ANKRD44: variants seen among roughly 807,000 people sequenced by gnomAD.
ANKRD44 encodes ankyrin repeat domain 44.
Under a neutral mutation model 116.0 loss-of-function variants are expected in ANKRD44, and 35 were observed. The observed-to-expected ratio is 0.30, with a 90% CI of 0.23 to 0.40. The LOEUF is 0.40. Ranked by LOEUF, ANKRD44 falls within the 10% of genes least tolerant of loss-of-function variation. ANKRD44 has a pLI of 1.00. For synonymous variants in ANKRD44, 435 were observed against 461.8 expected, an observed-to-expected ratio of 0.94 and a Z score of 0.74; for missense variants, 1,014 against 1,242.6, an observed-to-expected ratio of 0.82 and a Z score of 2.77.
intron 4 of ANKRD44, among the ~76,000 whole-genome samples, chr2:197,128,825 C>T (rs2079034528): frequency 6.6e-6 from 1 of 152,070 alleles, no homozygotes; most frequent in African/African-American, 2.4e-5. Flanking sequence ...CAGTGTTTTT[C>T]AAACTGTCTG....
At chr2:197,046,920 C>T (rs1247911765) in intron 16 of ANKRD44, among the ~76,000 whole-genome samples, 1 of 152,122 alleles carries the variant, frequency 6.6e-6, no homozygotes, top group Non-Finnish European at 1.5e-5. Context: ...AAAAAGTTAG[C>T]CTTAAAAAGC....
At chr2:197,094,491 T>C (rs1415206471) in intron 10 of ANKRD44, among the ~76,000 whole-genome samples, 1 of 152,230 alleles carries the variant, frequency 6.6e-6, no homozygotes, top group African/African-American at 2.4e-5. Context: ...ACATGAGTTT[T>C]GAAGTTGTAA....
rs867149387 is a variant in ANKRD44 at position 197,295,911 on chromosome 2, G to A, written c.27+14667C>T. Among the ~76,000 whole-genome samples the A allele has an allele frequency of 2.6e-5, 4 of 152,124 alleles. No individual in the cohort carries two copies. The South Asian group carries it at 8.3e-4, about 32-fold the overall frequency. ...CCTGTCCCTACAAAAAGTGAGCCAG[G>A]TGGCATGGAGGTACATGCCTGTAGT... On this transcript the variant is annotated intron_variant, in intron 1 of 27. Transcript: ENST00000282272.
intron 1 of ANKRD44, among the ~76,000 whole-genome samples, chr2:197,307,621 AAG>A (rs1411243600): frequency 6.6e-6 from 1 of 152,124 alleles, no homozygotes; most frequent in Non-Finnish European, 1.5e-5. Context: ...CTGAAAAAAA[AAG>A]AGTTAGGAAA....
At chr2:197,295,258 C>T (rs1308494936) in intron 1 of ANKRD44, among the ~76,000 whole-genome samples, 1 of 152,196 alleles carries the variant, frequency 6.6e-6, no homozygotes, top group Non-Finnish European at 1.5e-5. Context: ...GGCCCCAAGT[C>T]TGCCCTTGAG....
At chr2:197,040,539 G>C (rs1404840639) in intron 16 of ANKRD44, among the ~76,000 whole-genome samples, 1 of 151,664 alleles carries the variant, frequency 6.6e-6, no homozygotes, top group East Asian at 2.0e-4. Flanking sequence ...ACCACACCTG[G>C]ATAATTTTTG....
At chr2:197,270,376 G>A (rs1295642876) in intron 1 of ANKRD44, among the ~76,000 whole-genome samples, 1 of 152,076 alleles carries the variant, frequency 6.6e-6, no homozygotes, top group Non-Finnish European at 1.5e-5. Context: ...GAGGAGGTGG[G>A]GAAGAAGAAA....
chr2:197,085,396 G>A (rs1284168261), intron 13 of ANKRD44, among the ~76,000 whole-genome samples: 2 of 152,156 alleles, frequency 1.3e-5, no homozygotes, highest in Non-Finnish European at 2.9e-5. Context: ...TCTTGAATAA[G>A]GGCTGGGTAA....
Position 197,088,982 on chromosome 2 carries a change from A to G in ANKRD44, c.1184-208T>C, listed in dbSNP as rs528204039. ...TATAGGAAGAACCGTGAAGTCAAGA[A>G]GGATTTATTTTCACATTCAGCCCTG... On this transcript the variant is annotated intron_variant, in intron 11 of 27. Transcript: ENST00000282272. The G allele has an allele frequency of 2.1e-4, 93 of 437,138 alleles. No individual in the cohort carries two copies. The South Asian group carries it at 5.2e-3, about 24-fold the overall frequency. 27.1% of individuals were successfully genotyped at this position (437,138 alleles called of 1,614,324 possible). A position where few individuals can be genotyped will look rare whatever the true frequency, so the allele number is the denominator to read the frequency against.
At chr2:197,277,894 G>C (rs1435073277) in intron 1 of ANKRD44, among the ~76,000 whole-genome samples, 1 of 152,208 alleles carries the variant, frequency 6.6e-6, no homozygotes, top group South Asian at 2.1e-4. Context: ...AGAATAGGCA[G>C]TTAGGAGTCA....
At chr2:196,998,822 C>T in intron 24 of ANKRD44, 85 bp downstream of exon 24, 1 of 1,562,282 alleles carries the variant, frequency 6.4e-7, no homozygotes. Context: ...CGTGTATATA[C>T]TATGAGAACA....
intron 27 of ANKRD44, chr2:196,990,743 G>A (rs2075900215): frequency 8.1e-7 from 1 of 1,232,048 alleles, no homozygotes; most frequent in Non-Finnish European, 1.0e-6. Context: ...CGTTGTTACT[G>A]CACAGGCTAA....
At chr2:197,038,977 T>C (rs2124939753) in intron 16 of ANKRD44, among the ~76,000 whole-genome samples, 1 of 152,346 alleles carries the variant, frequency 6.6e-6, no homozygotes, top group East Asian at 1.9e-4. Flanking sequence ...GTTCCCATAT[T>C]ATTTTGGAGG....
chr2:197,243,899 T>C (rs2125806221), intron 1 of ANKRD44, among the ~76,000 whole-genome samples: 1 of 152,276 alleles, frequency 6.6e-6, no homozygotes, highest in Non-Finnish European at 1.5e-5. Context: ...CATTCAAACA[T>C]TCAAACCATA....
At chr2:197,290,118 C>A (rs1391164018) in intron 1 of ANKRD44, among the ~76,000 whole-genome samples, 1 of 152,092 alleles carries the variant, frequency 6.6e-6, no homozygotes, top group Non-Finnish European at 1.5e-5. Flanking sequence ...CCTCAGCCTC[C>A]CAATAGTCTA....
chr2:197,282,779 C>T (rs1240194800), intron 1 of ANKRD44, among the ~76,000 whole-genome samples: 1 of 152,000 alleles, frequency 6.6e-6, no homozygotes, highest in African/African-American at 2.4e-5. Context: ...GCCAACATGG[C>T]GAAACCCCAT....
intron 1 of ANKRD44, among the ~76,000 whole-genome samples, chr2:197,274,674 C>T (rs2083022273): frequency 6.6e-6 from 1 of 152,178 alleles, no homozygotes; most frequent in Admixed American, 6.5e-5. Flanking sequence ...CATCTCACAC[C>T]CCAGATTCCA....
At position 197,296,589 on chromosome 2, in the gene ANKRD44, A is replaced by G. The variant is rs903998028; in HGVS notation, c.27+13989T>C. 9 of 152,330 alleles carry G rather than the reference A, an allele frequency of 5.9e-5. No homozygotes were observed. In the East Asian group the frequency reaches 1.2e-3, roughly 20 times the overall value. 9.4% of individuals were successfully genotyped at this position (152,330 alleles called of 1,614,324 possible). A position where few individuals can be genotyped will look rare whatever the true frequency, so the allele number is the denominator to read the frequency against. On this transcript the variant is annotated intron_variant, in intron 1 of 27. Coordinates refer to ENST00000282272, the MANE Select transcript of ANKRD44 (RefSeq NM_001195144.2). ...TCCTTCCCTCTAAAAGAATAAATAAATAAGTTTCTTAATGGTTTTCTCTTA... is the reference window on the plus strand; with the variant it reads ...TCCTTCCCTCTAAAAGAATAAATAAGTAAGTTTCTTAATGGTTTTCTCTTA...
intron 2 of ANKRD44, among the ~76,000 whole-genome samples, chr2:197,157,659 C>CA (rs1375751049): frequency 9.0e-6 from 1 of 111,584 alleles, no homozygotes; most frequent in Non-Finnish European, 1.7e-5. Flanking sequence ...GCCTGGCCGA[C>CA]AGAGTGAGAC....
Sources: gnomAD v4.1 joint callset for allele counts (sites outside exome capture counted in the v4.1 genomes callset) on GRCh38, gnomAD v4.1.1 for gene constraint, MANE v1.5 for transcripts, NCBI Gene and HGNC (gene_info 2026-07-23, HGNC 2026-07-21) for gene names.